NAALADL2: variants seen among roughly 807,000 people sequenced by gnomAD.
NAALADL2 encodes the protein inactive N-acetylated-alpha-linked acidic dipeptidase-like protein 2.
NAALADL2 carries 76 observed loss-of-function variants against 87.2 expected under a neutral mutation model. That is an observed-to-expected ratio of 0.87 (90% CI 0.72 to 1.05). NAALADL2 has a LOEUF of 1.05. NAALADL2 is among the 50% of genes least tolerant of loss of function. The pLI is 0.00. For synonymous variants in NAALADL2, 354 were observed against 331.0 expected, an observed-to-expected ratio of 1.07 and a Z score of -0.75; for missense variants, 1,089 against 945.8, an observed-to-expected ratio of 1.15 and a Z score of -1.99.
intron 13 of NAALADL2, among the ~76,000 whole-genome samples, chr3:175,781,702 CTTTTATTTT>C (rs1158468215): frequency 6.7e-6 from 1 of 149,912 alleles, no homozygotes; most frequent in Non-Finnish European, 1.5e-5. Context: ...TAACATAACG[CTTTTATTTT>C]TTTTATTTTT....
At chr3:175,648,456 G>T (rs1242074675) in intron 11 of NAALADL2, among the ~76,000 whole-genome samples, 1 of 150,402 alleles carries the variant, frequency 6.6e-6, no homozygotes, top group Non-Finnish European at 1.5e-5. Flanking sequence ...TGTTGGCAAT[G>T]ATTCAAGTGA....
intron 13 of NAALADL2, among the ~76,000 whole-genome samples, chr3:175,776,859 G>C (rs1164551078): frequency 6.6e-6 from 1 of 152,042 alleles, no homozygotes. Flanking sequence ...TTGGAACAAT[G>C]TCTTTATTAT....
At chr3:174,569,166 A>G (rs1046901984) in intron 2 of NAALADL2, among the ~76,000 whole-genome samples, 1 of 151,904 alleles carries the variant, frequency 6.6e-6, no homozygotes. Flanking sequence ...ATTAGCTAAC[A>G]AAAGTTGCAG....
chr3:175,002,689 A>T (rs1387560070), intron 1 of NAALADL2, among the ~76,000 whole-genome samples: 1 of 152,252 alleles, frequency 6.6e-6, no homozygotes, highest in Non-Finnish European at 1.5e-5. Context: ...GAAGCAGCAG[A>T]GAAATTCATC....
intron 1 of NAALADL2, among the ~76,000 whole-genome samples, chr3:174,539,391 T>C (rs897251829): frequency 6.6e-6 from 1 of 152,182 alleles, no homozygotes; most frequent in Non-Finnish European, 1.5e-5. Context: ...AAAATTATGG[T>C]ACTATAATTC....
At chr3:175,188,454 C>T (rs1289289616) in intron 2 of NAALADL2, among the ~76,000 whole-genome samples, 2 of 152,118 alleles carry the variant, frequency 1.3e-5, no homozygotes, top group Non-Finnish European at 2.9e-5. Flanking sequence ...TGATGTGATG[C>T]ACTTTCCCTT....
chr3:175,498,933 T>G (rs748444355), intron 9 of NAALADL2, among the ~76,000 whole-genome samples: 33 of 152,118 alleles, frequency 2.2e-4, no homozygotes, highest in Non-Finnish European at 4.0e-4. Context: ...TCTGCATTCT[T>G]ACATTATTAA....
At chr3:174,469,671 C>G (rs977790110) in intron 1 of NAALADL2, among the ~76,000 whole-genome samples, 1 of 152,020 alleles carries the variant, frequency 6.6e-6, no homozygotes, top group Non-Finnish European at 1.5e-5. Context: ...ACGTCGTGAT[C>G]CGCCCGCCTT....
chr3:175,348,652 C>T (rs1257883516), intron 5 of NAALADL2, among the ~76,000 whole-genome samples: 1 of 152,138 alleles, frequency 6.6e-6, no homozygotes, highest in African/African-American at 2.4e-5. Context: ...TCCATCTCCC[C>T]ATGGCTGTGT....
At chr3:174,897,506 A>T (rs1352517354) in intron 1 of NAALADL2, among the ~76,000 whole-genome samples, 6 of 152,138 alleles carry the variant, frequency 3.9e-5, no homozygotes, top group African/African-American at 1.2e-4. Flanking sequence ...TATCCAAAAG[A>T]CAGGCAATAA....
intron 9 of NAALADL2, among the ~76,000 whole-genome samples, chr3:175,474,452 A>T (rs1433089756): frequency 6.6e-6 from 1 of 152,226 alleles, no homozygotes; most frequent in Non-Finnish European, 1.5e-5. Context: ...ATTCAAATCA[A>T]GGAGTTGGTA....
chr3:174,776,493 G>A (rs887301061), intron 3 of NAALADL2, among the ~76,000 whole-genome samples: 11 of 151,896 alleles, frequency 7.2e-5, no homozygotes, highest in African/African-American at 2.4e-4. Context: ...ATACTCTATC[G>A]AGTCCCTGGG....
At chr3:174,897,831 C>CTTATCATTTGCAATAACATG (rs1553886852) in intron 1 of NAALADL2, among the ~76,000 whole-genome samples, 1 of 150,286 alleles carries the variant, frequency 6.7e-6, no homozygotes, top group African/African-American at 2.5e-5. Context: ...AGAATGAGAT[C>CTTATCATTTGCAATAACATG]GGCCGGGCGC....
chr3:174,862,558 G>T (rs188776596), intron 1 of NAALADL2, among the ~76,000 whole-genome samples: 41 of 152,168 alleles, frequency 2.7e-4, no homozygotes, highest in African/African-American at 8.9e-4. Context: ...TTCACCTGCT[G>T]AGCTCCTGCT....
At chr3:175,064,415 G>A (rs1459374477) in intron 1 of NAALADL2, among the ~76,000 whole-genome samples, 8 of 152,074 alleles carry the variant, frequency 5.3e-5, no homozygotes. Flanking sequence ...TACTCAAGCT[G>A]AGTAAAGATG....
intron 2 of NAALADL2, among the ~76,000 whole-genome samples, chr3:174,715,502 C>G (rs1277838382): frequency 6.6e-6 from 1 of 152,050 alleles, no homozygotes; most frequent in African/African-American, 2.4e-5. Context: ...ATTGAGAAGC[C>G]TGTTTAAATA....
At chr3:174,519,592 A>C (rs1720144233) in intron 1 of NAALADL2, among the ~76,000 whole-genome samples, 1 of 151,694 alleles carries the variant, frequency 6.6e-6, no homozygotes, top group South Asian at 2.1e-4. Context: ...CGGCCTCTCA[A>C]AGTGCTGGGA....
chr3:175,348,206 C>T (rs544716301), intron 5 of NAALADL2, among the ~76,000 whole-genome samples: 6 of 152,184 alleles, frequency 3.9e-5, no homozygotes, highest in African/African-American at 1.4e-4. Context: ...CATGTGCCAC[C>T]ACGCCCAGCT....
intron 13 of NAALADL2, among the ~76,000 whole-genome samples, chr3:175,787,290 G>T (rs1430926934): frequency 2.0e-5 from 3 of 152,116 alleles, no homozygotes; most frequent in Non-Finnish European, 2.9e-5. Flanking sequence ...CCTGGGCAAT[G>T]GCGGGTGCCC....
Sources: allele counts gnomAD v4.1 joint callset (sites outside exome capture counted in the v4.1 genomes callset), GRCh38; gene constraint gnomAD v4.1.1; transcripts MANE v1.5; gene names NCBI Gene and HGNC (gene_info 2026-07-23, HGNC 2026-07-21).